Variants in ARHGEF6 observed in about 807,000 individuals in gnomAD.
ARHGEF6 encodes rho guanine nucleotide exchange factor 6.
Under a neutral mutation model 70.3 loss-of-function variants are expected in ARHGEF6, and 9 were observed. That is an observed-to-expected ratio of 0.13 (90% CI 0.08 to 0.22). ARHGEF6 has a LOEUF of 0.22. Among genes scored for constraint, ARHGEF6 ranks in the 10% least tolerant of loss-of-function variants. The pLI, the probability that ARHGEF6 is intolerant of heterozygous loss-of-function variation, is 1.00. For missense variants in ARHGEF6, 470 were observed against 563.0 expected, an observed-to-expected ratio of 0.83 and a Z score of 1.67; for synonymous variants, 201 against 207.8, an observed-to-expected ratio of 0.97 and a Z score of 0.28.
chrX:136,689,500 G>A (rs1281238355), intron 10 of ARHGEF6, among the ~76,000 whole-genome samples: 2 of 112,088 alleles, frequency 1.8e-5, no homozygotes, highest in East Asian at 2.8e-4. Flanking sequence ...AACCTCAAAC[G>A]GTTCAGCAAA....
chrX:136,737,680 C>A (rs1968680629), intron 5 of ARHGEF6, among the ~76,000 whole-genome samples: 1 of 97,308 alleles, frequency 1.0e-5, no homozygotes, highest in African/African-American at 4.2e-5. Flanking sequence ...ATAGTGAGAT[C>A]CCGTGTTAAA....
chrX:136,777,150 G>A (rs926793970), intron 2 of ARHGEF6, among the ~76,000 whole-genome samples: 2 of 111,218 alleles, frequency 1.8e-5, no homozygotes, highest in African/African-American at 6.5e-5. Context: ...GCTGGAACCA[G>A]GGAGGTAGAG....
At chrX:136,670,893 T>C (rs1461440350) in intron 20 of ARHGEF6, among the ~76,000 whole-genome samples, 1 of 111,590 alleles carries the variant, frequency 9.0e-6, no homozygotes, top group Non-Finnish European at 1.9e-5. Flanking sequence ...GGTCTCTCCC[T>C]GGACAAAGAT....
At chrX:136,691,366 G>T (rs1485792443) in intron 9 of ARHGEF6, among the ~76,000 whole-genome samples, 1 of 111,664 alleles carries the variant, frequency 9.0e-6, no homozygotes, top group Non-Finnish European at 1.9e-5. Flanking sequence ...CCATAAGGCA[G>T]TAACTTGGTG....
intron 6 of ARHGEF6, among the ~76,000 whole-genome samples, chrX:136,722,228 A>G (rs1210521206): frequency 8.9e-6 from 1 of 112,041 alleles, no homozygotes; most frequent in Non-Finnish European, 1.9e-5. Context: ...CAAAAGTCTT[A>G]AAGTAAACAG....
chrX:136,705,097 A>G (rs975723724), intron 9 of ARHGEF6, among the ~76,000 whole-genome samples: 2 of 110,827 alleles, frequency 1.8e-5, no homozygotes, highest in Non-Finnish European at 3.8e-5. Context: ...AGGTGGGCGG[A>G]TCATTTGAGG....
At chrX:136,729,554 A>G (rs1298727041) in intron 6 of ARHGEF6, among the ~76,000 whole-genome samples, 4 of 104,124 alleles carry the variant, frequency 3.8e-5, no homozygotes, top group Non-Finnish European at 5.9e-5. Context: ...TTTATGGGCC[A>G]GGCACAGTGG....
chrX:136,728,595 T>C (rs754713641), intron 6 of ARHGEF6, among the ~76,000 whole-genome samples: 47 of 106,594 alleles, frequency 4.4e-4, no homozygotes, highest in African/African-American at 1.6e-3. Context: ...AATCATCACA[T>C]CCTGTAAGCT....
At chrX:136,685,585 T>C in intron 12 of ARHGEF6, 92 bp downstream of exon 12, 1 of 1,034,455 alleles carries the variant, frequency 9.7e-7, no homozygotes, top group African/African-American at 2.2e-5. Context: ...CCAGCCTGAG[T>C]GACAGAACAA....
intron 7 of ARHGEF6, among the ~76,000 whole-genome samples, chrX:136,709,870 G>A (rs2076665738): frequency 8.9e-6 from 1 of 112,210 alleles, no homozygotes; most frequent in Non-Finnish European, 1.9e-5. Flanking sequence ...GGAGGCTGAG[G>A]CAGAAGAATT....
rs1603341234 is a variant in ARHGEF6 at position 136,708,786 on chromosome X, A to G, written c.828-16T>C. The G allele has an allele frequency of 9.0e-7, 1 of 1,111,864 alleles. No individual in the cohort carries two copies. Among genetic ancestry groups the G allele is most frequent in the African/African-American group, 1.8e-5 (1 of 55,897 alleles). 91.6% of individuals were successfully genotyped at this position (1,111,864 alleles called of 1,213,427 possible). A position where few individuals can be genotyped will look rare whatever the true frequency, so the allele number is the denominator to read the frequency against. ...AGTACTCAGACTGAAAAAAAAATACAGTACATGTAGTTATCTATTGTAGTC... is the reference window on the plus strand; with the variant it reads ...AGTACTCAGACTGAAAAAAAAATACGGTACATGTAGTTATCTATTGTAGTC... On this transcript the variant is annotated splice_polypyrimidine_tract_variant and intron_variant, in intron 7 of 21. Coordinates refer to ENST00000250617, the MANE Select transcript of ARHGEF6 (RefSeq NM_004840.3).
Position 136,706,953 on chromosome X carries a change from T to A in ARHGEF6, c.1001A>T (p.Tyr334Phe). The change falls in exon 9 of 22, where the codon TAC (tyrosine) becomes TTC (phenylalanine). Residue 334 changes from tyrosine (Y) to phenylalanine (F), a missense_variant. By Grantham distance (22) the Tyr-to-Phe change is conservative (BLOSUM62 3). This residue lies in a region of ARHGEF6 where 379 missense variants were observed against 449.3 expected (regional missense o/e 0.84). Coordinates refer to ENST00000250617, the MANE Select transcript of ARHGEF6 (RefSeq NM_004840.3). ...TACAGCTGAAGGATGGTTTGCACAG[T>A]AAGCCAGATACATAGATTTAAAATG... ...MPHFKSMYLAYCANHPSAVNV... is the reference protein window; with the variant it reads ...MPHFKSMYLAFCANHPSAVNV... 8.3e-7 allele frequency: 1 copy of A among 1,210,987 alleles called. No homozygotes were observed. The highest frequency in any genetic ancestry group is 1.1e-6 in the Non-Finnish European group (1 of 894,771).
In ARHGEF6 at chrX:136,764,657, G is replaced by T. The variant is rs917012587; in HGVS notation, c.249+14757C>A. Among the ~76,000 whole-genome samples the T allele has an allele frequency of 4.5e-5, 5 of 111,312 alleles. No homozygotes were observed. In the Admixed American group the frequency reaches 4.8e-4, roughly 11 times the overall value. On this transcript the variant is annotated intron_variant, in intron 2 of 21. Coordinates refer to ENST00000250617, the MANE Select transcript of ARHGEF6 (RefSeq NM_004840.3). Reference sequence around the variant, plus strand: ...GGTGAGGCATAGTGACTGGGAAGGGGCACGAGGATAGCTTCTGGGCACCAA... The same window carrying T: ...GGTGAGGCATAGTGACTGGGAAGGGTCACGAGGATAGCTTCTGGGCACCAA...
intron 19 of ARHGEF6, 30 bp from the exon 20 acceptor site, chrX:136,672,149 G>A: frequency 2.8e-6 from 3 of 1,056,093 alleles, no homozygotes; most frequent in Non-Finnish European, 4.0e-6. Flanking sequence ...GATGGGGGAG[G>A]AGGGAGAGTT....
intron 5 of ARHGEF6, among the ~76,000 whole-genome samples, chrX:136,741,921 A>C (rs1482849559): frequency 3.6e-5 from 4 of 111,906 alleles, no homozygotes; most frequent in African/African-American, 1.3e-4. Context: ...GCCAGCCTTC[A>C]AGAATATCAA....
intron 5 of ARHGEF6, among the ~76,000 whole-genome samples, chrX:136,740,003 CATT>C (rs746167958): frequency 1.8e-5 from 2 of 109,728 alleles, no homozygotes; most frequent in African/African-American, 3.4e-5. Flanking sequence ...ACCCAAGTTA[CATT>C]ATTATTATTA....
At chrX:136,711,663 A>G (rs1343760494) in intron 7 of ARHGEF6, among the ~76,000 whole-genome samples, 1 of 111,565 alleles carries the variant, frequency 9.0e-6, no homozygotes, top group Non-Finnish European at 1.9e-5. Context: ...ACCGAGTTCA[A>G]GCGATTCTCC....
rs1006810052 is a variant in ARHGEF6, at chrX:136,701,959, G to T, written c.1046+4949C>A. 2.7e-5 allele frequency among the ~76,000 whole-genome samples: 3 copies of T among 110,379 alleles called. No individual in the cohort carries two copies. The Admixed American group carries it at 2.9e-4, about 11-fold the overall frequency. On this transcript the variant is annotated intron_variant, in intron 9 of 21. Transcript: ENST00000250617. ...CCTGACCTCGTGATCCGCCCACCTC[G>T]GCCTCCCAAAGTGCTGGGATTACAG... is the stretch of plus-strand genomic sequence containing the variant.
chrX:136,704,994 G>A (rs1003167533), intron 9 of ARHGEF6, among the ~76,000 whole-genome samples: 2 of 111,876 alleles, frequency 1.8e-5, no homozygotes, highest in African/African-American at 6.5e-5. Context: ...ATAAATTGGT[G>A]CAGTGACTTT....
Sources: gnomAD v4.1 joint callset for allele counts (sites outside exome capture counted in the v4.1 genomes callset) on GRCh38, gnomAD v4.1.1 for gene constraint, gnomAD v4.1.1 regional missense constraint, MANE v1.5 for transcripts, NCBI Gene and HGNC (gene_info 2026-07-23, HGNC 2026-07-21) for gene names.